The following C2orf49 variants were observed in gnomAD, a reference collection of about 807,000 sequenced individuals.
C2orf49 encodes tRNA splicing ligase complex subunit 2.
A neutral mutation model predicts 20.6 loss-of-function variants in C2orf49; 11 were observed. That is an observed-to-expected ratio of 0.53 (90% confidence interval 0.34 to 0.88). The LOEUF is 0.88. Ranked by LOEUF, C2orf49 falls within the 40% of genes least tolerant of loss-of-function variation. The probability of loss-of-function intolerance (pLI) is 0.02; values close to 1 mark genes in which losing one functional copy is unlikely to be tolerated. For synonymous variants in C2orf49, 134 were observed against 108.5 expected (o/e 1.24, Z -1.46); for missense variants, 289 against 274.2 (o/e 1.05, Z -0.38).
the C2orf49 span, among the ~76,000 whole-genome samples, chr2:105,373,182 A>T: frequency 6.6e-6 from 1 of 152,258 alleles, no homozygotes; most frequent in Non-Finnish European, 1.5e-5. Flanking sequence ...CACCATGCAC[A>T]CTTGGTGAAA....
chr2:105,345,225 AATAGT>A, intron 3 of C2orf49, 85 bp from the exon 4 acceptor site: 1 of 1,148,890 alleles, frequency 8.7e-7, no homozygotes, highest in Non-Finnish European at 1.3e-6. Flanking sequence ...TTAATACATT[AATAGT>A]AAACCTTGGT....
rs1021827084 is a variant in C2orf49 at position 105,347,056 on chromosome 2, C to T, written c.*1685C>T. 5 of 152,118 alleles carry T rather than the reference C, an allele frequency of 3.3e-5. No homozygotes were observed. The East Asian group carries it at 9.6e-4, about 29-fold the overall frequency. 9.4% of individuals were successfully genotyped at this position (152,118 alleles called of 1,614,324 possible). A position where few individuals can be genotyped will look rare whatever the true frequency, so the allele number is the denominator to read the frequency against. ...CATTTTAGTTCAGCTATTGAATAGC[C>T]TTCCAAAAAATTAATTCAGCCTTGC... On this transcript the variant is annotated 3_prime_UTR_variant, in exon 4 of 4. Coordinates refer to ENST00000258457, the MANE Select transcript of C2orf49 (RefSeq NM_024093.3).
the C2orf49 span, among the ~76,000 whole-genome samples, chr2:105,362,131 TATAAAC>T: frequency 6.6e-6 from 1 of 152,346 alleles, no homozygotes; most frequent in Middle Eastern, 3.4e-3. Context: ...AGCTTAATGT[TATAAAC>T]ATTTACCTCA....
chr2:105,376,344 G>A, the C2orf49 span: 1 of 152,140 alleles, frequency 6.6e-6, no homozygotes, highest in Non-Finnish European at 1.5e-5. Flanking sequence ...TTGAGGAGAT[G>A]TGTGTGTGTG....
downstream of C2orf49, among the ~76,000 whole-genome samples, chr2:105,349,534 C>A (rs1223875774): frequency 1.3e-5 from 2 of 152,142 alleles, no homozygotes; most frequent in Non-Finnish European, 2.9e-5. Flanking sequence ...TGTTTAGTAG[C>A]TTGATCATCT....
intron 3 of C2orf49, 57 bp from the exon 4 acceptor site, chr2:105,345,258 T>C (rs1679781332): frequency 1.4e-6 from 2 of 1,460,398 alleles, no homozygotes; most frequent in African/African-American, 2.8e-5. Flanking sequence ...AATGTTCATT[T>C]TAGTTGTTTT....
chr2:105,377,852 C>T, the C2orf49 span: 73 of 354,556 alleles, frequency 2.1e-4, 2 homozygotes, highest in South Asian at 1.5e-3. Context: ...GATCCTTGGC[C>T]TCTCTCTGGG....
Position 105,339,762 on chromosome 2 carries a change from G to C in C2orf49, c.266+13G>C. 1.3e-6 allele frequency: 2 copies of C among 1,561,548 alleles called. No homozygotes were observed. The highest frequency in any genetic ancestry group is 1.7e-6 in the Non-Finnish European group (2 of 1,160,736). ...ATGAGACTAAAAGGTACTTTTTGGT[G>C]GTTCTAGCTTTCAATTTATCTTATA... is the stretch of plus-strand genomic sequence containing the variant. On this transcript the variant is annotated intron_variant, in intron 2 of 3. Transcript: ENST00000258457.
chr2:105,337,574 T>C lies in C2orf49; in HGVS notation c.-14T>C. 6.2e-7 allele frequency: 1 copy of C among 1,613,386 alleles called. No individual in the cohort carries two copies. Among genetic ancestry groups the C allele is most frequent in the Non-Finnish European group, 8.5e-7 (1 of 1,179,958 alleles). On this transcript the variant is annotated 5_prime_UTR_variant, in exon 1 of 4. Transcript: ENST00000258457. Reference sequence around the variant, plus strand: ...GCTTTGTGGGTAGCCGACTGGGGTCTCCTGGCGACGACCATGGCGGGGGAT... The same window carrying C: ...GCTTTGTGGGTAGCCGACTGGGGTCCCCTGGCGACGACCATGGCGGGGGAT...
downstream of C2orf49, among the ~76,000 whole-genome samples, chr2:105,351,323 C>G (rs999049698): frequency 4.8e-5 from 6 of 125,670 alleles, no homozygotes; most frequent in African/African-American, 1.6e-4. Flanking sequence ...GCCCCCCCCC[C>G]CCCAAAAAAA....
rs1679791154 is a variant in C2orf49 at position 105,345,567 on chromosome 2, C to T, written c.*196C>T. On this transcript the variant is annotated 3_prime_UTR_variant, in exon 4 of 4. Transcript: ENST00000258457. ...TTCCTTTTTTAAAATTCTTGCCTGT[C>T]TTGCCCTGATTAGGAAAGAATATCT... 1 of 602,936 alleles carries T rather than the reference C, an allele frequency of 1.7e-6. No individual in the cohort carries two copies. Among genetic ancestry groups the T allele is most frequent in the Admixed American group, 3.1e-5 (1 of 31,750 alleles). The allele number at this position is 602,936 out of a possible 1,614,324, so 37.3% of individuals were successfully genotyped here.
At chr2:105,359,549 C>G in the C2orf49 span, 2 of 152,120 alleles carry the variant, frequency 1.3e-5, no homozygotes. Context: ...TCTTAGAAAA[C>G]TAAGGACAAA....
the C2orf49 span, among the ~76,000 whole-genome samples, chr2:105,370,592 G>T: frequency 6.6e-6 from 1 of 152,106 alleles, no homozygotes; most frequent in African/African-American, 2.4e-5. Flanking sequence ...TGTGGAGCTG[G>T]TGGGTGAGTT....
At position 105,345,300 on chromosome 2, in the gene C2orf49, G is replaced by A. The variant is rs1460758197; in HGVS notation, c.643-15G>A. 2.5e-6 allele frequency: 4 copies of A among 1,606,588 alleles called. No individual in the cohort carries two copies. The highest frequency in any genetic ancestry group is 1.3e-5 in the African/African-American group (1 of 74,442). ...TTTCTGCAAGTATAAACTGATTTCT[G>A]TTCATGTCTTTCAGAATAACCTGAA... On this transcript the variant is annotated splice_polypyrimidine_tract_variant and intron_variant, in intron 3 of 3. Coordinates refer to ENST00000258457, the MANE Select transcript of C2orf49 (RefSeq NM_024093.3).
chr2:105,352,429 G>GTTTTTT (rs61585149), downstream of C2orf49, among the ~76,000 whole-genome samples: 1 of 80,758 alleles, frequency 1.2e-5, no homozygotes, highest in African/African-American at 5.1e-5. Flanking sequence ...GTTTGTTTGG[G>GTTTTTT]TTTTTTTTTT....
the C2orf49 span, chr2:105,361,091 G>T: frequency 2.0e-6 from 1 of 497,348 alleles, no homozygotes. Context: ...CCTAGGGCGA[G>T]TTTTCTCTTT....
chr2:105,339,444 C>T (rs1414398049), intron 1 of C2orf49, 139 bp from the exon 2 acceptor site: 1 of 703,794 alleles, frequency 1.4e-6, no homozygotes, highest in East Asian at 2.9e-5. Context: ...AACACTGTCT[C>T]TAAGTGCGCG....
In C2orf49 at chr2:105,348,686, G is replaced by A. The variant is rs1485213024; in HGVS notation, c.*3315G>A. On this transcript the variant is annotated 3_prime_UTR_variant, in exon 4 of 4. Transcript: ENST00000258457. The stretch of plus-strand genomic sequence containing the variant: ...AGGTTTTGTAATTCAGTACAGAAAA[G>A]TTTAACCTTGTACATTTTTGTATGT... 1 of 151,858 alleles carries A rather than the reference G, an allele frequency of 6.6e-6. No homozygotes were observed. Among genetic ancestry groups the A allele is most frequent in the Non-Finnish European group, 1.5e-5 (1 of 67,968 alleles). The allele number at this position is 151,858 out of a possible 1,614,324, so 9.4% of individuals were successfully genotyped here.
At chr2:105,371,512 C>A in the C2orf49 span, among the ~76,000 whole-genome samples, 1 of 151,210 alleles carries the variant, frequency 6.6e-6, no homozygotes, top group African/African-American at 2.4e-5. Context: ...TCCAGACTTA[C>A]CGCCTCCACA....
Sources: allele counts gnomAD v4.1 joint callset (sites outside exome capture counted in the v4.1 genomes callset), GRCh38; gene constraint gnomAD v4.1.1; transcripts MANE v1.5; gene names NCBI Gene and HGNC (gene_info 2026-07-23, HGNC 2026-07-21).